Variants in CAPN2 observed in about 807,000 individuals in gnomAD.
CAPN2 encodes the protein calpain 2.
Under a neutral mutation model 102.3 loss-of-function variants are expected in CAPN2, and 92 were observed. The observed-to-expected ratio is 0.90, with a 90% CI of 0.76 to 1.07. The LOEUF is 1.07. CAPN2 is among the 50% of genes least tolerant of loss of function. CAPN2 has a pLI of 0.00. For synonymous variants in CAPN2, 340 were observed against 355.4 expected (o/e 0.96, Z 0.49); for missense variants, 800 against 909.4 (o/e 0.88, Z 1.55).
At position 223,775,449 on chromosome 1, in the gene CAPN2, A is replaced by C. The variant is rs1208617695; in HGVS notation, c.*592A>C. The C allele has an allele frequency of 6.5e-6, 1 of 152,722 alleles. No homozygotes were observed. The highest frequency in any genetic ancestry group is 2.4e-5 in the African/African-American group (1 of 41,450). The allele number at this position is 152,722 out of a possible 1,614,324, so 9.5% of individuals were successfully genotyped here. A position where few individuals can be genotyped will look rare whatever the true frequency, so the allele number is the denominator to read the frequency against. On this transcript the variant is annotated 3_prime_UTR_variant, in exon 21 of 21. Coordinates refer to ENST00000295006, the MANE Select transcript of CAPN2 (RefSeq NM_001748.5). ...GTTAAACAAGAGACAGGTTTTGTAG[A>C]ATATTGATTGGTAATAGTAAATCGT...
chr1:223,768,762 G>GTAAAT (rs1661399129), intron 16 of CAPN2, among the ~76,000 whole-genome samples: 1 of 151,188 alleles, frequency 6.6e-6, no homozygotes, highest in South Asian at 2.1e-4. Flanking sequence ...CATTGAATCT[G>GTAAAT]TAAATTACCT....
chr1:223,750,602 G>C (rs1244171606), intron 6 of CAPN2, among the ~76,000 whole-genome samples: 4 of 152,226 alleles, frequency 2.6e-5, no homozygotes, highest in African/African-American at 7.2e-5. Flanking sequence ...CATCCTGTCA[G>C]TTAAGCTGAA....
rs1420764176 is a variant in CAPN2 at position 223,712,554 on chromosome 1, G to A, written c.-87G>A. The A allele has an allele frequency of 1.5e-6, 2 of 1,300,074 alleles. No individual in the cohort carries two copies. The highest frequency in any genetic ancestry group is 1.9e-6 in the Non-Finnish European group (2 of 1,028,972). 80.5% of individuals were successfully genotyped at this position (1,300,074 alleles called of 1,614,324 possible). ...CGGCGCCCGCAGTGGCCGCAGCAGC[G>A]CGCCGGGCCCTGGCCGCGCCCCAGC... On this transcript the variant is annotated 5_prime_UTR_variant, in exon 1 of 21. Coordinates refer to ENST00000295006, the MANE Select transcript of CAPN2 (RefSeq NM_001748.5).
intron 2 of CAPN2, among the ~76,000 whole-genome samples, chr1:223,738,157 CT>C (rs1660514216): frequency 6.6e-6 from 1 of 150,876 alleles, no homozygotes; most frequent in Admixed American, 6.6e-5. Flanking sequence ...ATCTTATTAC[CT>C]TTTTTTTTCT....
rs1660482407 is a variant in CAPN2 at position 223,737,416 on chromosome 1, GC to G, written c.308-6682del. Reference sequence around the variant, plus strand: ...TTAGTAATAAACATGGCCAGCAACAGCCAGGGCCCTGCTAGCGGGAGATGTC... The same window carrying G: ...TTAGTAATAAACATGGCCAGCAACAGCAGGGCCCTGCTAGCGGGAGATGTC... On this transcript the variant is annotated intron_variant, in intron 2 of 20. Transcript: ENST00000295006. Among the ~76,000 whole-genome samples the G allele has an allele frequency of 2.6e-5, 4 of 152,130 alleles. No homozygotes were observed. The South Asian group carries it at 8.3e-4, about 32-fold the overall frequency.
At position 223,702,381 on chromosome 1, in the gene CAPN2, C is replaced by T. The variant is rs184909744; in HGVS notation, c.3+550C>T. Among the ~76,000 whole-genome samples the T allele has an allele frequency of 6.0e-4, 91 of 151,484 alleles. 1 individual carries two copies. Among genetic ancestry groups the T allele is most frequent in the Admixed American group, 5.6e-3 (85 of 15,238 alleles). ...GGTAGAGGTTGCGGTAAGCTGAGATCGCACCACTGCACTCCAGCCTGGTTG... is the reference window on the plus strand; with the variant it reads ...GGTAGAGGTTGCGGTAAGCTGAGATTGCACCACTGCACTCCAGCCTGGTTG... On this transcript the variant is annotated intron_variant, in intron 1 of 20. Coordinates refer to the CAPN2 transcript ENST00000433674.
intron 2 of CAPN2, among the ~76,000 whole-genome samples, chr1:223,737,575 C>G (rs2102789829): frequency 6.6e-6 from 1 of 152,178 alleles, no homozygotes. Flanking sequence ...AGGTGTCAGG[C>G]TCCTGGGATG....
chr1:223,711,755 T>C (rs997132517), upstream of CAPN2, among the ~76,000 whole-genome samples: 2 of 152,148 alleles, frequency 1.3e-5, no homozygotes, highest in African/African-American at 4.8e-5. Flanking sequence ...AGATCACAGG[T>C]GCCTGCCACG....
intron 3 of CAPN2, among the ~76,000 whole-genome samples, chr1:223,744,839 C>G (rs6674846): frequency 1.3e-5 from 2 of 151,774 alleles, no homozygotes; most frequent in South Asian, 4.2e-4. Flanking sequence ...CCCAGGAGTT[C>G]GAGACCAGCT....
At chr1:223,720,315 C>CTCTCTCTTT (rs564518898) in intron 2 of CAPN2, among the ~76,000 whole-genome samples, 1 of 107,468 alleles carries the variant, frequency 9.3e-6, no homozygotes, top group East Asian at 2.7e-4. Context: ...CTCTTTCTCT[C>CTCTCTCTTT]TTTTTTTTTT....
chr1:223,749,286 T>A (rs1660828847), intron 6 of CAPN2, 164 bp downstream of exon 6: 1 of 628,536 alleles, frequency 1.6e-6, no homozygotes. Flanking sequence ...GGCGTCCCTT[T>A]CGCAGCTCGG....
At chr1:223,760,623 A>T (rs1030053990) in intron 12 of CAPN2, among the ~76,000 whole-genome samples, 4 of 152,148 alleles carry the variant, frequency 2.6e-5, no homozygotes, top group African/African-American at 9.7e-5. Context: ...CACTGACAAG[A>T]AAATAGGAGC....
At chr1:223,762,505 G>A (rs2102811539) in intron 14 of CAPN2, among the ~76,000 whole-genome samples, 1 of 152,148 alleles carries the variant, frequency 6.6e-6, no homozygotes. Context: ...AGGATTCCTG[G>A]GCTCACCTTG....
chr1:223,744,154 T>C lies in CAPN2; in HGVS notation c.362T>C (p.Leu121Pro), dbSNP rs1330174238. The change falls in exon 3 of 21, where the codon CTG becomes CCG. Residue 121 changes from leucine to proline, a missense_variant. By Grantham distance (98) the Leu-to-Pro change is moderately conservative (BLOSUM62 -3). Coordinates refer to ENST00000295006, the MANE Select transcript of CAPN2 (RefSeq NM_001748.5). ...IASLTLNEEI[L>P]ARVVPLNQSF... ...TCCCTCACCTTGAATGAAGAAATCC[T>C]GGCTCGAGTCGTCCCCCTAAACCAG... 1.2e-6 allele frequency: 2 copies of C among 1,614,094 alleles called. No homozygotes were observed. Among genetic ancestry groups the C allele is most frequent in the African/African-American group, 2.7e-5 (2 of 74,934 alleles).
At chr1:223,748,238 T>A (rs1252216551) in intron 5 of CAPN2, among the ~76,000 whole-genome samples, 4 of 152,206 alleles carry the variant, frequency 2.6e-5, no homozygotes, top group African/African-American at 9.6e-5. Context: ...CCCAGGAGCC[T>A]TGGAGCAAAG....
intron 1 of CAPN2, among the ~76,000 whole-genome samples, chr1:223,704,886 C>T (rs55703755): frequency 6.8e-4 from 103 of 152,304 alleles, no homozygotes; most frequent in Non-Finnish European, 1.0e-3. Context: ...GGAGCCCCAA[C>T]GTGAGTAGGT....
At chr1:223,764,739 C>A (rs1253307889) in intron 15 of CAPN2, among the ~76,000 whole-genome samples, 1 of 152,226 alleles carries the variant, frequency 6.6e-6, no homozygotes, top group East Asian at 1.9e-4. Context: ...CAGGCATGCA[C>A]TACCACATCC....
chr1:223,765,003 T>C (rs1286573328), intron 15 of CAPN2, among the ~76,000 whole-genome samples: 1 of 152,138 alleles, frequency 6.6e-6, no homozygotes, highest in Admixed American at 6.5e-5. Context: ...AGACATTTTT[T>C]CCCCTCAAAT....
At chr1:223,737,733 T>G (rs1474304883) in intron 2 of CAPN2, among the ~76,000 whole-genome samples, 1 of 80,848 alleles carries the variant, frequency 1.2e-5, no homozygotes, top group Admixed American at 1.5e-4. Context: ...GAGAATACAA[T>G]AACACCATGT....
Sources: allele counts gnomAD v4.1 joint callset (sites outside exome capture counted in the v4.1 genomes callset), GRCh38; gene constraint gnomAD v4.1.1; transcripts MANE v1.5; gene names NCBI Gene and HGNC (gene_info 2026-07-23, HGNC 2026-07-21).